ADARB2: variants seen among roughly 807,000 people sequenced by gnomAD.
The protein encoded by ADARB2 is inactive double-stranded RNA-specific editase B2.
ADARB2 carries 25 observed loss-of-function variants against 62.2 expected under a neutral mutation model. The observed-to-expected ratio is 0.40, with a 90% CI of 0.29 to 0.56. The LOEUF is 0.56. Ranked by LOEUF, ADARB2 falls within the 20% of genes least tolerant of loss-of-function variation. The pLI is 0.43. For missense variants in ADARB2, 1,071 were observed against 1,077.4 expected (o/e 0.99, Z 0.08); for synonymous variants, 572 against 500.8 (o/e 1.14, Z -1.90).
intron 2 of ADARB2, among the ~76,000 whole-genome samples, chr10:1,367,256 C>G (rs1832321807): frequency 6.6e-6 from 1 of 152,228 alleles, no homozygotes; most frequent in African/African-American, 2.4e-5. Context: ...CCTGGGTTCT[C>G]CTGCCGAAGG....
intron 1 of ADARB2, among the ~76,000 whole-genome samples, chr10:1,527,572 A>T (rs1832164682): frequency 6.6e-6 from 1 of 152,282 alleles, no homozygotes; most frequent in South Asian, 2.1e-4. Context: ...CTTGCTATAC[A>T]TAACAGGATG....
chr10:1,642,116 T>C (rs1172319441), intron 1 of ADARB2, among the ~76,000 whole-genome samples: 1 of 152,252 alleles, frequency 6.6e-6, no homozygotes, highest in Admixed American at 6.5e-5. Context: ...AAAGTCTCAT[T>C]CTGTGTATTT....
At chr10:1,544,363 C>A (rs1200807826) in intron 1 of ADARB2, among the ~76,000 whole-genome samples, 1 of 152,194 alleles carries the variant, frequency 6.6e-6, no homozygotes, top group Non-Finnish European at 1.5e-5. Context: ...CTGTGTGCCA[C>A]CTTCGGGGGC....
chr10:1,665,702 A>G (rs908342417), intron 1 of ADARB2, among the ~76,000 whole-genome samples: 1 of 152,240 alleles, frequency 6.6e-6, no homozygotes, highest in African/African-American at 2.4e-5. Flanking sequence ...CAAGAGAAAA[A>G]GGAGTGATGG....
intron 1 of ADARB2, among the ~76,000 whole-genome samples, chr10:1,636,001 G>A (rs1010732478): frequency 2.0e-5 from 3 of 152,120 alleles, no homozygotes; most frequent in Non-Finnish European, 2.9e-5. Flanking sequence ...CAGCCGTGAC[G>A]AAGTCCACAT....
intron 2 of ADARB2, among the ~76,000 whole-genome samples, chr10:1,372,717 T>A (rs944279715): frequency 2.6e-5 from 4 of 152,086 alleles, no homozygotes; most frequent in Non-Finnish European, 4.4e-5. Flanking sequence ...AATAGACAGT[T>A]CAAAATAGAG....
chr10:1,626,122 CCCACGT>C (rs58817762), intron 1 of ADARB2, among the ~76,000 whole-genome samples: 11,040 of 137,254 alleles, frequency 0.08, 1,412 homozygotes, highest in African/African-American at 0.27. Context: ...AGACACTAAC[CCCACGT>C]CTGCCCATGC....
intron 1 of ADARB2, among the ~76,000 whole-genome samples, chr10:1,422,845 C>T (rs889952004): frequency 7.2e-5 from 11 of 152,210 alleles, no homozygotes; most frequent in Non-Finnish European, 1.6e-4. Context: ...CCTATGGCCA[C>T]ACGCAAACTC....
chr10:1,436,832 G>T (rs1317393401), intron 1 of ADARB2, among the ~76,000 whole-genome samples: 1 of 152,102 alleles, frequency 6.6e-6, no homozygotes, highest in East Asian at 1.9e-4. Flanking sequence ...CCTCTTTCAA[G>T]GAGAATATTC....
At chr10:1,249,699 G>A (rs1831019128) in intron 4 of ADARB2, among the ~76,000 whole-genome samples, 1 of 151,724 alleles carries the variant, frequency 6.6e-6, no homozygotes. Flanking sequence ...GACCATTCAG[G>A]AACATCTGCT....
chr10:1,292,974 G>C (rs939983019), intron 3 of ADARB2: 2 of 117,796 alleles, frequency 1.7e-5, no homozygotes, highest in Non-Finnish European at 3.5e-5. Flanking sequence ...GGGAGAGGGA[G>C]GGAAGGAGAG....
intron 1 of ADARB2, among the ~76,000 whole-genome samples, chr10:1,394,317 A>T (rs1242111482): frequency 1.3e-5 from 2 of 151,986 alleles, no homozygotes; most frequent in African/African-American, 4.8e-5. Context: ...GATCCACTTA[A>T]CGCCATCCAC....
chr10:1,598,512 C>G (rs991945601), intron 1 of ADARB2, among the ~76,000 whole-genome samples: 4 of 152,238 alleles, frequency 2.6e-5, no homozygotes, highest in African/African-American at 9.6e-5. Context: ...AGACAAATAT[C>G]CGTGGAGAAA....
intron 1 of ADARB2, among the ~76,000 whole-genome samples, chr10:1,648,473 T>C (rs1189201995): frequency 6.6e-6 from 1 of 152,218 alleles, no homozygotes; most frequent in East Asian, 1.9e-4. Context: ...GAAATACTTG[T>C]TCTGCCATCT....
At chr10:1,250,527 A>T (rs951575527) in intron 4 of ADARB2, among the ~76,000 whole-genome samples, 1 of 152,124 alleles carries the variant, frequency 6.6e-6, no homozygotes. Flanking sequence ...GCTGTAATGA[A>T]GCCATGATGC....
intron 1 of ADARB2, among the ~76,000 whole-genome samples, chr10:1,394,470 C>G (rs747212082): frequency 4.6e-5 from 7 of 152,212 alleles, no homozygotes; most frequent in African/African-American, 1.7e-4. Context: ...CGGTTCTCAT[C>G]TGGGCTTTGC....
intron 3 of ADARB2, among the ~76,000 whole-genome samples, chr10:1,349,604 C>T (rs1832114848): frequency 6.6e-6 from 1 of 152,158 alleles, no homozygotes; most frequent in African/African-American, 2.4e-5. Flanking sequence ...TCTCCAACCT[C>T]CCTCACTATC....
chr10:1,558,640 C>A (rs1295120348), intron 1 of ADARB2, among the ~76,000 whole-genome samples: 1 of 130,376 alleles, frequency 7.7e-6, no homozygotes, highest in African/African-American at 3.0e-5. Context: ...CCCACCTCTG[C>A]CCCCCTCCGT....
intron 1 of ADARB2, among the ~76,000 whole-genome samples, chr10:1,607,692 A>G (rs1358720937): frequency 6.6e-6 from 1 of 152,218 alleles, no homozygotes; most frequent in African/African-American, 2.4e-5. Context: ...CCGCAGCGAC[A>G]TGCATAGAAT....
Sources: allele counts gnomAD v4.1 joint callset (sites outside exome capture counted in the v4.1 genomes callset), GRCh38; gene constraint gnomAD v4.1.1; transcripts MANE v1.5; gene names NCBI Gene and HGNC (gene_info 2026-07-23, HGNC 2026-07-21).